The following LRRIQ3 variants were observed in gnomAD, a reference collection of about 807,000 sequenced individuals.
LRRIQ3 encodes the protein leucine-rich repeat and IQ domain-containing protein 3.
In LRRIQ3, 75 loss-of-function variants were observed where a neutral mutation model predicts 59.3. That is an observed-to-expected ratio of 1.26 (90% CI 1.05 to 1.53). The LOEUF is 1.53. LRRIQ3 is among the 40% of genes most tolerant of loss of function. The probability of loss-of-function intolerance (pLI) is 0.00; values close to 1 mark genes in which losing one functional copy is unlikely to be tolerated. For synonymous variants in LRRIQ3, 250 were observed against 231.3 expected, an observed-to-expected ratio of 1.08 and a Z score of -0.73; for missense variants, 831 against 710.0, an observed-to-expected ratio of 1.17 and a Z score of -1.94.
intron 1 of LRRIQ3, among the ~76,000 whole-genome samples, chr1:74,195,885 T>C (rs1180213642): frequency 1.3e-5 from 2 of 152,284 alleles, no homozygotes; most frequent in Non-Finnish European, 2.9e-5. Context: ...TAAACAGTCA[T>C]ATCACACTGT....
intron 1 of LRRIQ3, among the ~76,000 whole-genome samples, chr1:74,193,827 A>C (rs151299638): frequency 5.3e-5 from 8 of 152,236 alleles, no homozygotes; most frequent in African/African-American, 1.9e-4. Flanking sequence ...GAATTATCAC[A>C]ACAGCTGTTA....
intron 3 of LRRIQ3, among the ~76,000 whole-genome samples, chr1:74,169,753 T>C (rs1223487980): frequency 6.6e-6 from 1 of 152,130 alleles, no homozygotes; most frequent in African/African-American, 2.4e-5. Flanking sequence ...TCTTGTTATG[T>C]TGTCCAGGTT....
chr1:74,188,427 A>T (rs1262085648), intron 1 of LRRIQ3, among the ~76,000 whole-genome samples: 2 of 152,158 alleles, frequency 1.3e-5, no homozygotes, highest in Non-Finnish European at 2.9e-5. Flanking sequence ...GCAAAAATTT[A>T]AAAAATCCAA....
chr1:74,162,927 T>C (rs1357082759), intron 3 of LRRIQ3, among the ~76,000 whole-genome samples: 1 of 151,516 alleles, frequency 6.6e-6, no homozygotes, highest in African/African-American at 2.4e-5. Context: ...CTAGTGTTTA[T>C]ATCACTGCAA....
chr1:74,190,009 T>C (rs1650656323), intron 1 of LRRIQ3, among the ~76,000 whole-genome samples: 1 of 152,172 alleles, frequency 6.6e-6, no homozygotes, highest in Non-Finnish European at 1.5e-5. Flanking sequence ...GTTTCCAGTA[T>C]GGCATGTAAG....
At chr1:74,165,093 G>C (rs568208983) in intron 3 of LRRIQ3, among the ~76,000 whole-genome samples, 2 of 151,402 alleles carry the variant, frequency 1.3e-5, no homozygotes, top group Non-Finnish European at 3.0e-5. Flanking sequence ...TAAGGTAACT[G>C]ATGCATCCCA....
intron 7 of LRRIQ3, among the ~76,000 whole-genome samples, chr1:74,029,136 G>T (rs1653614129): frequency 6.6e-6 from 1 of 152,004 alleles, no homozygotes; most frequent in Non-Finnish European, 1.5e-5. Context: ...GGGTTTTCTA[G>T]ATATACAATC....
At chr1:74,188,680 T>C (rs1473703468) in intron 1 of LRRIQ3, among the ~76,000 whole-genome samples, 1 of 152,144 alleles carries the variant, frequency 6.6e-6, no homozygotes, top group Non-Finnish European at 1.5e-5. Context: ...TATGGTTAGG[T>C]AGTTTTTCAA....
At chr1:74,094,043 G>C (rs558665267) in intron 5 of LRRIQ3, among the ~76,000 whole-genome samples, 1 of 152,026 alleles carries the variant, frequency 6.6e-6, no homozygotes, top group Non-Finnish European at 1.5e-5. Flanking sequence ...TCTGATGAGG[G>C]CTGTTACTGG....
intron 5 of LRRIQ3, among the ~76,000 whole-genome samples, chr1:74,090,937 TAA>T (rs1646388327): frequency 6.6e-6 from 1 of 151,934 alleles, no homozygotes; most frequent in South Asian, 2.1e-4. Context: ...ATAAAAAAAT[TAA>T]AAGTCTTTTG....
At chr1:74,117,155 G>A (rs1646788635) in intron 4 of LRRIQ3, among the ~76,000 whole-genome samples, 1 of 152,130 alleles carries the variant, frequency 6.6e-6, no homozygotes, top group Non-Finnish European at 1.5e-5. Context: ...CAGAACTGAT[G>A]ATAAAAGGTG....
chr1:74,189,066 T>A (rs981386573), intron 1 of LRRIQ3, among the ~76,000 whole-genome samples: 4 of 152,110 alleles, frequency 2.6e-5, no homozygotes, highest in Non-Finnish European at 5.9e-5. Context: ...GGCTGAAGCA[T>A]CAGTTAGTTC....
intron 6 of LRRIQ3, among the ~76,000 whole-genome samples, chr1:74,047,837 G>A (rs1654250384): frequency 6.6e-6 from 1 of 152,072 alleles, no homozygotes; most frequent in African/African-American, 2.4e-5. Context: ...CCCCAGTGTG[G>A]CTTTATTTGG....
chr1:74,090,889 C>T (rs1646387990), intron 5 of LRRIQ3, among the ~76,000 whole-genome samples: 2 of 151,994 alleles, frequency 1.3e-5, no homozygotes, highest in Admixed American at 1.3e-4. Flanking sequence ...CAGAGTGAGA[C>T]ACTATCTCAA....
At chr1:74,119,967 A>C (rs1390028288) in intron 4 of LRRIQ3, among the ~76,000 whole-genome samples, 1 of 152,142 alleles carries the variant, frequency 6.6e-6, no homozygotes, top group Non-Finnish European at 1.5e-5. Context: ...TTGTAATTGA[A>C]ATCACTTATG....
At chr1:74,136,486 C>T (rs1557634081) in intron 4 of LRRIQ3, among the ~76,000 whole-genome samples, 1 of 151,796 alleles carries the variant, frequency 6.6e-6, no homozygotes, top group Non-Finnish European at 1.5e-5. Flanking sequence ...TACTAAGCAG[C>T]TTAACGGCAA....
At chr1:74,163,026 T>G (rs1485100052) in intron 3 of LRRIQ3, among the ~76,000 whole-genome samples, 1 of 151,554 alleles carries the variant, frequency 6.6e-6, no homozygotes, top group Non-Finnish European at 1.5e-5. Flanking sequence ...AAATGATAAA[T>G]GTTTGAGATG....
intron 4 of LRRIQ3, among the ~76,000 whole-genome samples, chr1:74,148,461 C>T (rs1441057561): frequency 6.6e-6 from 1 of 152,078 alleles, no homozygotes; most frequent in East Asian, 1.9e-4. Context: ...ACATGCTGGT[C>T]CTTAGGCCTC....
At chr1:74,064,253 T>A (rs1438642485) in intron 6 of LRRIQ3, among the ~76,000 whole-genome samples, 1 of 152,070 alleles carries the variant, frequency 6.6e-6, no homozygotes, top group Non-Finnish European at 1.5e-5. Flanking sequence ...CCAATTTTTA[T>A]CCTATTTCTT....
Sources: gnomAD v4.1 joint callset for allele counts (sites outside exome capture counted in the v4.1 genomes callset) on GRCh38, gnomAD v4.1.1 for gene constraint, MANE v1.5 for transcripts, NCBI Gene and HGNC (gene_info 2026-07-23, HGNC 2026-07-21) for gene names.